The following TSC2 variants were observed in gnomAD, a reference collection of about 807,000 sequenced individuals.
TSC2 encodes the protein tuberin.
A neutral mutation model predicts 202.2 loss-of-function variants in TSC2; 29 were observed. That is an observed-to-expected ratio of 0.14 (90% CI 0.11 to 0.20). The LOEUF (loss-of-function observed/expected upper bound fraction) is 0.20, where lower values mean the gene tolerates loss of function less well. TSC2 is among the 10% of genes least tolerant of loss of function. The pLI, the probability that TSC2 is intolerant of heterozygous loss-of-function variation, is 1.00. For synonymous variants in TSC2, 1,349 were observed against 1,044.0 expected, an observed-to-expected ratio of 1.29 and a Z score of -5.63; for missense variants, 2,429 against 2,420.0, an observed-to-expected ratio of 1.00 and a Z score of -0.08.
intron 16 of TSC2, among the ~76,000 whole-genome samples, chr16:2,067,190 ACT>A (rs2087506075): frequency 1.3e-5 from 2 of 151,512 alleles, no homozygotes; most frequent in Middle Eastern, 3.4e-3. Context: ...ACAAGATCTC[ACT>A]CTGTCGCCCA....
At chr16:2,058,705 A>G (rs761004593) in intron 9 of TSC2, 42 bp from the exon 10 acceptor site, 11 of 1,556,912 alleles carry the variant, frequency 7.1e-6, no homozygotes, top group Admixed American at 1.9e-5. Context: ...ACCCTGGGAC[A>G]GGGCCCTGCT....
At chr16:2,061,128 C>T (rs1245933882) in intron 11 of TSC2, 1 of 429,650 alleles carries the variant, frequency 2.3e-6, no homozygotes, top group Non-Finnish European at 4.4e-6. Context: ...GGCACAGTTC[C>T]CAGAGGGATG....
chr16:2,088,322 G>A lies in TSC2; in HGVS notation c.5256G>A (p.Gln1752=), dbSNP rs2151632872. ...ARLRHIKRLR[Q]RICEEAAYSN... Reference sequence around the variant, plus strand: ...TCCGCCACATCAAGCGGCTCCGCCAGCGGGTAGGGAATATGGGGCTCCCTC... The same window carrying A: ...TCCGCCACATCAAGCGGCTCCGCCAACGGGTAGGGAATATGGGGCTCCCTC... The change falls in exon 41 of 42, where the codon CAG becomes CAA. Residue 1752 remains glutamine (Q), a synonymous_variant. Transcript: ENST00000219476. The A allele has an allele frequency of 6.2e-7, 1 of 1,612,706 alleles. No homozygotes were observed. The highest frequency in any genetic ancestry group is 8.5e-7 in the Non-Finnish European group (1 of 1,180,004).
rs754343186 is a variant in TSC2 at position 2,061,885 on chromosome 16, G to A, written c.1134G>A (p.Pro378=). The A allele has an allele frequency of 7.4e-6, 12 of 1,614,046 alleles. No individual in the cohort carries two copies. The highest frequency in any genetic ancestry group is 4.4e-5 in the South Asian group (4 of 91,088). Residue 378 remains proline, a synonymous_variant, in exon 12 of 42, where the codon CCG becomes CCA. Transcript: ENST00000219476. ...TGGTACTGCAGACCTTGGACAGCCC[G>A]GAGCTCAGGACCATCGTCCATGACC... The part of the protein sequence containing the change: ...LLQQLQTLDS[P]ELRTIVHDLL...
At chr16:2,069,508 C>T (rs1261599004) in intron 16 of TSC2, among the ~76,000 whole-genome samples, 1 of 147,068 alleles carries the variant, frequency 6.8e-6, no homozygotes, top group African/African-American at 2.5e-5. Flanking sequence ...TTGAGACAGT[C>T]TTGCTCTGTC....
chr16:2,087,483 G>GTT (rs1290593899), intron 38 of TSC2, among the ~76,000 whole-genome samples: 1 of 113,650 alleles, frequency 8.8e-6, no homozygotes, highest in Admixed American at 7.9e-5. Context: ...AAGACAACCA[G>GTT]TTGGGGGGGG....
At chr16:2,065,671 G>A (rs760613265) in intron 16 of TSC2, 36 bp downstream of exon 16, 52 of 1,571,356 alleles carry the variant, frequency 3.3e-5, no homozygotes, top group East Asian at 6.7e-5. Context: ...CTCCCGGGGC[G>A]CGCATGGCTA....
rs748326601 is a variant in TSC2, at chr16:2,080,250, A to T, written c.3483A>T (p.Ala1161=). 6.2e-7 allele frequency: 1 copy of T among 1,612,024 alleles called. No individual in the cohort carries two copies. Among genetic ancestry groups the T allele is most frequent in the East Asian group, 2.2e-5 (1 of 44,808 alleles). The change falls in exon 30 of 42, where the codon GCA becomes GCT. Residue 1161 remains alanine, a synonymous_variant. Coordinates refer to ENST00000219476, the MANE Select transcript of TSC2 (RefSeq NM_000548.5). ...GSATSPGPRT[A]PAAKPEKASA... ...CCACTTCTCCAGGACCACGGACTGC[A>T]CCAGCCGCGAAACCTGAGAAGGCCT...
chr16:2,059,012 G>A lies in TSC2; in HGVS notation c.975+139G>A, dbSNP rs557200953. The A allele has an allele frequency of 1.6e-5, 22 of 1,400,032 alleles. No individual in the cohort carries two copies. In the East Asian group the frequency reaches 5.2e-4, roughly 33 times the overall value. 86.7% of individuals were successfully genotyped at this position (1,400,032 alleles called of 1,614,324 possible). A position where few individuals can be genotyped will look rare whatever the true frequency, so the allele number is the denominator to read the frequency against. On this transcript the variant is annotated intron_variant, in intron 10 of 41. Transcript: ENST00000219476. ...CTTTCCAGGCAGTTGCTTTGCAGCT[G>A]GGGGTGAGGTTTGGGGCCCTTTGTA...
rs753764275 is a variant in TSC2 at position 2,062,547 on chromosome 16, G to A, written c.1308G>A (p.Pro436=). 1.3e-5 allele frequency: 21 copies of A among 1,612,306 alleles called. No individual in the cohort carries two copies. Among genetic ancestry groups the A allele is most frequent in the Admixed American group, 1.0e-4 (6 of 59,856 alleles). Residue 436 remains proline (P), a synonymous_variant, in exon 13 of 42, where the codon CCG becomes CCA. Coordinates refer to ENST00000219476, the MANE Select transcript of TSC2 (RefSeq NM_000548.5). ...CCTATAGAGCGCAGTCCATCCACCCGGCCAAGGACGGCTGGATTCAGAACC... is the reference window on the plus strand; with the variant it reads ...CCTATAGAGCGCAGTCCATCCACCCAGCCAAGGACGGCTGGATTCAGAACC... The part of the protein sequence containing the change: ...LISYRAQSIH[P]AKDGWIQNLQ...
chr16:2,060,870 C>G (rs1596299448), intron 11 of TSC2, 57 bp downstream of exon 11: 1 of 1,600,446 alleles, frequency 6.2e-7, no homozygotes, highest in Non-Finnish European at 8.5e-7. Flanking sequence ...GCAGGCTCGG[C>G]CCACTCAGAA....
At chr16:2,058,660 G>A (rs1381200563) in intron 9 of TSC2, 87 bp from the exon 10 acceptor site, 4 of 1,536,986 alleles carry the variant, frequency 2.6e-6, no homozygotes, top group Non-Finnish European at 3.5e-6. Context: ...TGGGGCTGCT[G>A]CAGGAGCCTC....
chr16:2,058,086 G>C (rs2086115055), intron 9 of TSC2, among the ~76,000 whole-genome samples: 1 of 137,904 alleles, frequency 7.3e-6, no homozygotes, highest in Non-Finnish European at 1.5e-5. Flanking sequence ...CTGGGGCCCA[G>C]CCCTGCCTCA....
rs2091252830 is a variant in TSC2 at position 2,088,776 on chromosome 16, T to C, written c.*166T>C. On this transcript the variant is annotated 3_prime_UTR_variant, in exon 42 of 42. Coordinates refer to ENST00000219476, the MANE Select transcript of TSC2 (RefSeq NM_000548.5). The stretch of plus-strand genomic sequence containing the variant: ...GGGGGTTGGGGGGGTGTCGAGGCTC[T>C]AGAAGCGGCCATGCCCACAGAAGTG... The C allele has an allele frequency of 3.1e-6, 3 of 960,438 alleles. No homozygotes were observed. Among genetic ancestry groups the C allele is most frequent in the Non-Finnish European group, 3.0e-6 (2 of 660,482 alleles). 59.5% of individuals were successfully genotyped at this position (960,438 alleles called of 1,614,324 possible). A position where few individuals can be genotyped will look rare whatever the true frequency, so the allele number is the denominator to read the frequency against.
At chr16:2,052,179 T>G (rs1432048477) in intron 3 of TSC2, among the ~76,000 whole-genome samples, 1 of 148,802 alleles carries the variant, frequency 6.7e-6, no homozygotes, top group Admixed American at 6.7e-5. Flanking sequence ...TCCCGGGCCC[T>G]GTGTCCACGG....
intron 6 of TSC2, 117 bp from the exon 7 acceptor site, chr16:2,056,079 C>T (rs1012482175): frequency 1.5e-5 from 20 of 1,357,626 alleles, no homozygotes; most frequent in Admixed American, 3.7e-5. Flanking sequence ...GTGGGTGGGA[C>T]CCCCAGGGAG....
chr16:2,053,508 T>G, intron 4 of TSC2, 56 bp downstream of exon 4: 2 of 1,498,184 alleles, frequency 1.3e-6, no homozygotes, highest in Non-Finnish European at 1.8e-6. Flanking sequence ...CTGACTGTCC[T>G]GTCCCTGCTG....
chr16:2,062,512 A>T lies in TSC2; in HGVS notation c.1273A>T (p.Asn425Tyr), dbSNP rs1186443300. The change falls in exon 13 of 42, where the codon AAC becomes TAC. Residue 425 changes from asparagine to tyrosine, a missense_variant. Coordinates refer to ENST00000219476, the MANE Select transcript of TSC2 (RefSeq NM_000548.5). ...CTTTTGACAGGAGTCCTCCCTCCTG[A>T]ACCTGATCTCCTATAGAGCGCAGTC... ...ADQRPESSLL[N>Y]LISYRAQSIH... The T allele has an allele frequency of 1.9e-6, 3 of 1,611,234 alleles. No homozygotes were observed. Among genetic ancestry groups the T allele is most frequent in the Non-Finnish European group, 2.5e-6 (3 of 1,178,744 alleles).
rs2089789414 is a variant in TSC2, at chr16:2,079,053, C to T, written c.2988C>T (p.Thr996=). The T allele has an allele frequency of 6.2e-7, 1 of 1,612,798 alleles. No individual in the cohort carries two copies. The highest frequency in any genetic ancestry group is 1.3e-5 in the African/African-American group (1 of 74,938). ...CCAGCAGGATACAGACGTCCCTCAC[C>T]AGTGCCAGCTTGGGGTCTGCAGATG... ...VVRSRIQTSL[T]SASLGSADEN... The change falls in exon 27 of 42, where the codon ACC becomes ACT. Residue 996 remains threonine (T), a synonymous_variant. Transcript: ENST00000219476. The surrounding 1 kb of genome is among the most constrained non-coding windows in gnomAD (Gnocchi z 4.6).
Sources: gnomAD v4.1 joint callset for allele counts (sites outside exome capture counted in the v4.1 genomes callset) on GRCh38, gnomAD v4.1.1 for gene constraint, Gnocchi (gnomAD v3.1) non-coding constraint, MANE v1.5 for transcripts, NCBI Gene and HGNC (gene_info 2026-07-23, HGNC 2026-07-21) for gene names.